Variants in FREM3 observed in about 807,000 individuals in gnomAD.
FREM3 encodes FRAS1 related extracellular matrix 3, also known as FRAS1-related extracellular matrix protein 3.
A neutral mutation model predicts 129.1 loss-of-function variants in FREM3; 105 were observed. That is an observed-to-expected ratio of 0.81 (90% CI 0.69 to 0.96). The LOEUF (loss-of-function observed/expected upper bound fraction) is 0.96. FREM3 is among the 40% of genes least tolerant of loss of function. The pLI is 0.00. For synonymous variants in FREM3, 1,014 were observed against 1,044.9 expected (o/e 0.97, Z 0.57); for missense variants, 2,593 against 2,666.3 (o/e 0.97, Z 0.61).
At chr4:143,651,370 T>C (rs1739506718) in intron 2 of FREM3, among the ~76,000 whole-genome samples, 1 of 152,218 alleles carries the variant, frequency 6.6e-6, no homozygotes, top group Non-Finnish European at 1.5e-5. Context: ...CAATAGGAAC[T>C]CAGAGGATGG....
At chr4:143,682,493 G>A (rs1740272137) in intron 2 of FREM3, among the ~76,000 whole-genome samples, 1 of 152,154 alleles carries the variant, frequency 6.6e-6, no homozygotes, top group Non-Finnish European at 1.5e-5. Context: ...GCGGGTATTG[G>A]GACCCAAGAA....
chr4:143,613,024 A>G (rs1738788482), intron 5 of FREM3, among the ~76,000 whole-genome samples: 1 of 152,186 alleles, frequency 6.6e-6, no homozygotes, highest in South Asian at 2.1e-4. Context: ...GGTGTCCATC[A>G]CTGCATGTTG....
At position 143,602,758 on chromosome 4, in the gene FREM3, G is replaced by A. The variant is rs115606423; in HGVS notation, c.6028+8521C>T. Among the ~76,000 whole-genome samples, 344 of 152,216 alleles carry A rather than the reference G, an allele frequency of 2.3e-3. 1 individual carries two copies. Among genetic ancestry groups the A allele is most frequent in the African/African-American group, 8.0e-3 (333 of 41,534 alleles). ...GTTAGCATGGTTACATCTGCAGCACGGCCAACTGTTTTGTCCTGTATTTAA... is the reference window on the plus strand; with the variant it reads ...GTTAGCATGGTTACATCTGCAGCACAGCCAACTGTTTTGTCCTGTATTTAA... On this transcript the variant is annotated intron_variant, in intron 6 of 7. Transcript: ENST00000329798.
In FREM3 at chr4:143,698,498, ATTC is replaced by A. The variant is rs1560878113; in HGVS notation, c.2175_2177del (p.Lys725del). ...AGTCCTGGTCAATGTATCGGAGGAAATTCTTCTGGAAGTGAGTGAGTTGGTATT... is the reference window on the plus strand; with the variant it reads ...AGTCCTGGTCAATGTATCGGAGGAAATTCTGGAAGTGAGTGAGTTGGTATT... On this transcript the variant is annotated inframe_deletion, in exon 1 of 8. Transcript: ENST00000329798. 1.3e-6 allele frequency: 2 copies of A among 1,537,592 alleles called. No homozygotes were observed. Among genetic ancestry groups the A allele is most frequent in the East Asian group, 4.9e-5 (2 of 40,934 alleles).
chr4:143,688,159 A>G (rs951880643), intron 2 of FREM3, among the ~76,000 whole-genome samples: 1 of 152,204 alleles, frequency 6.6e-6, no homozygotes, highest in South Asian at 2.1e-4. Flanking sequence ...AAAGAATTCA[A>G]TAGAGTTTAC....
At chr4:143,613,157 T>A (rs1310573839) in intron 5 of FREM3, among the ~76,000 whole-genome samples, 2 of 152,212 alleles carry the variant, frequency 1.3e-5, no homozygotes, top group African/African-American at 2.4e-5. Context: ...ACAAAAATTT[T>A]AGAATTATTC....
intron 6 of FREM3, among the ~76,000 whole-genome samples, chr4:143,610,259 A>G (rs1738734415): frequency 1.3e-5 from 2 of 152,184 alleles, no homozygotes; most frequent in Admixed American, 1.3e-4. Flanking sequence ...AAAGCCATTT[A>G]GGAGATTAAA....
intron 2 of FREM3, among the ~76,000 whole-genome samples, chr4:143,642,884 A>G (rs1739345601): frequency 1.3e-5 from 2 of 152,204 alleles, no homozygotes; most frequent in African/African-American, 4.8e-5. Context: ...AGGAGTTAAT[A>G]TATGAATATA....
At chr4:143,590,406 CG>C (rs1738336630) in intron 6 of FREM3, among the ~76,000 whole-genome samples, 1 of 152,100 alleles carries the variant, frequency 6.6e-6, no homozygotes, top group South Asian at 2.1e-4. Context: ...TTTTGTGATA[CG>C]TCCCATCAAT....
In FREM3 at chr4:143,585,693, A is replaced by G; in HGVS notation, c.6178+151T>C. Reference sequence around the variant, plus strand: ...ACTTATTTTGTAACCAGCAGAAGTCATTATGTATACAAACCATCTACGTGC... The same window carrying G: ...ACTTATTTTGTAACCAGCAGAAGTCGTTATGTATACAAACCATCTACGTGC... On this transcript the variant is annotated intron_variant, in intron 7 of 7. Transcript: ENST00000329798. The surrounding 1 kb of genome is among the most constrained non-coding windows in gnomAD (Gnocchi z 4.2). 3 of 680,480 alleles carry G rather than the reference A, an allele frequency of 4.4e-6. No individual in the cohort carries two copies. Among genetic ancestry groups the G allele is most frequent in the Non-Finnish European group, 7.0e-6 (3 of 425,696 alleles). The allele number at this position is 680,480 out of a possible 1,614,324, so 42.2% of individuals were successfully genotyped here.
Position 143,696,267 on chromosome 4 carries a change from A to G in FREM3, c.4409T>C (p.Leu1470Pro), listed in dbSNP as rs1740566369. 6.5e-7 allele frequency: 1 copy of G among 1,537,804 alleles called. No homozygotes were observed. ...ATAGTCAGAACTTTCTAAGTGACCC[A>G]GGCTTGGAGCCCGTGTAATGCTAAA... The part of the protein sequence containing the change: ...HHFSITRAPS[L>P]GHLESSDYAG... The change falls in exon 1 of 8, where the codon CTG becomes CCG. Residue 1470 changes from leucine (L) to proline (P), a missense_variant. Coordinates refer to ENST00000329798, the MANE Select transcript of FREM3 (RefSeq NM_001168235.2).
chr4:143,584,808 C>T (rs564963310), intron 7 of FREM3, among the ~76,000 whole-genome samples: 2 of 152,158 alleles, frequency 1.3e-5, no homozygotes, highest in Non-Finnish European at 1.5e-5. Flanking sequence ...ACTCTCCACC[C>T]AAAACCAACA....
In FREM3 at chr4:143,627,767, T is replaced by C; in HGVS notation, c.5276-7A>G. 4 of 1,532,750 alleles carry C rather than the reference T, an allele frequency of 2.6e-6. No homozygotes were observed. The highest frequency in any genetic ancestry group is 3.5e-6 in the Non-Finnish European group (4 of 1,143,240). The allele number at this position is 1,532,750 out of a possible 1,614,324, so 94.9% of individuals were successfully genotyped here. ...TTTGTTAGTTTATTTCCTCCTGCAA[T>C]TGATAGGGGCAAAGGAAAAGTCAGC... On this transcript the variant is annotated splice_polypyrimidine_tract_variant and splice_region_variant and intron_variant, in intron 2 of 7. Coordinates refer to ENST00000329798, the MANE Select transcript of FREM3 (RefSeq NM_001168235.2).
At chr4:143,645,013 G>A (rs1739391476) in intron 2 of FREM3, 1 of 152,172 alleles carries the variant, frequency 6.6e-6, no homozygotes, top group African/African-American at 2.4e-5. Context: ...AAGCGAACTG[G>A]GGATAAGCAT....
rs555599737 is a variant in FREM3, at chr4:143,591,918, A to G, written c.6029-5925T>C. On this transcript the variant is annotated intron_variant, in intron 6 of 7. Transcript: ENST00000329798. ...CTAAGGACTTGCTTTATGAATCTGG[A>G]TGCTCCTGTACTGGGTACATATATA... Among the ~76,000 whole-genome samples, 404 of 152,294 alleles carry G rather than the reference A, an allele frequency of 2.7e-3. 10 individuals carry two copies. The South Asian group carries it at 0.046, about 17-fold the overall frequency.
chr4:143,640,031 T>A (rs1000288614), intron 2 of FREM3, among the ~76,000 whole-genome samples: 3 of 152,324 alleles, frequency 2.0e-5, no homozygotes, highest in Admixed American at 2.0e-4. Flanking sequence ...CAAGTTCTCA[T>A]GCTGTTTCAC....
intron 2 of FREM3, among the ~76,000 whole-genome samples, chr4:143,648,703 C>T (rs1356896991): frequency 6.6e-6 from 1 of 152,232 alleles, no homozygotes; most frequent in Non-Finnish European, 1.5e-5. Context: ...CCCTGTGGAA[C>T]TGTGAATCAA....
chr4:143,577,984 T>G, intron 7 of FREM3, 132 bp from the exon 8 acceptor site: 1 of 1,061,520 alleles, frequency 9.4e-7, no homozygotes, highest in African/African-American at 1.6e-5. Flanking sequence ...TCATATACTT[T>G]GGGTTTGATC....
intron 7 of FREM3, among the ~76,000 whole-genome samples, chr4:143,580,948 C>T (rs1262494816): frequency 6.6e-6 from 1 of 152,172 alleles, no homozygotes; most frequent in Non-Finnish European, 1.5e-5. Flanking sequence ...CCAGCCACCC[C>T]AGCCCCACCT....
Sources: gnomAD v4.1 joint callset for allele counts (sites outside exome capture counted in the v4.1 genomes callset) on GRCh38, gnomAD v4.1.1 for gene constraint, Gnocchi (gnomAD v3.1) non-coding constraint, MANE v1.5 for transcripts, NCBI Gene and HGNC (gene_info 2026-07-23, HGNC 2026-07-21) for gene names.